Variants in PRKD2 observed in about 807,000 individuals in gnomAD.
PRKD2 encodes serine/threonine-protein kinase D2.
In PRKD2, 22 loss-of-function variants were observed where a neutral mutation model predicts 86.0. That is an observed-to-expected ratio of 0.26 (90% confidence interval 0.18 to 0.37). PRKD2 has a LOEUF of 0.37. Among genes scored for constraint, PRKD2 ranks in the 10% least tolerant of loss-of-function variants. The pLI is 1.00. For missense variants in PRKD2, 818 were observed against 1,199.2 expected, an observed-to-expected ratio of 0.68 and a Z score of 4.70; for synonymous variants, 509 against 510.9, an observed-to-expected ratio of 1.00 and a Z score of 0.05.
At chr19:46,690,797 C>T (rs1329637873) in intron 12 of PRKD2, 91 bp from the exon 13 acceptor site, 4 of 1,188,604 alleles carry the variant, frequency 3.4e-6, no homozygotes, top group South Asian at 2.6e-5. Flanking sequence ...CTCTGCCCCC[C>T]ACCATGGAGA....
At chr19:46,675,931 G>A (rs777990567) in intron 16 of PRKD2, among the ~76,000 whole-genome samples, 5 of 151,656 alleles carry the variant, frequency 3.3e-5, no homozygotes, top group Non-Finnish European at 5.9e-5. Context: ...CACTATGGCC[G>A]GCTAATTTTT....
intron 17 of PRKD2, 56 bp from the exon 18 acceptor site, chr19:46,674,791 T>C (rs1381540186): frequency 6.5e-7 from 1 of 1,536,114 alleles, no homozygotes; most frequent in Admixed American, 1.9e-5. Context: ...AGTGCCTGGA[T>C]ATCCTCTGGT....
rs753514675 is a variant in PRKD2, at chr19:46,678,711, C to T, written c.2071-48G>A. 3.2e-6 allele frequency: 5 copies of T among 1,563,366 alleles called. No homozygotes were observed. The highest frequency in any genetic ancestry group is 4.3e-6 in the Non-Finnish European group (5 of 1,156,702). On this transcript the variant is annotated intron_variant, in intron 15 of 17. Transcript: ENST00000291281. This position sits in a 1 kb window ranked among gnomAD's most constrained non-coding sequence, Gnocchi z 5.7. ...GCTCCACCAGGTGATGGAGCCGCACCCACCCCAGCATCCCCACCACACCAC... is the reference window on the plus strand; with the variant it reads ...GCTCCACCAGGTGATGGAGCCGCACTCACCCCAGCATCCCCACCACACCAC...
chr19:46,704,761 C>T (rs1412029878), intron 3 of PRKD2, 112 bp from the exon 4 acceptor site: 8 of 1,346,084 alleles, frequency 5.9e-6, no homozygotes, highest in Admixed American at 5.4e-5. Flanking sequence ...CCCATCACCC[C>T]CCGCCAGCAC....
chr19:46,714,274 A>G (rs950670079), intron 1 of PRKD2: 8 of 1,213,648 alleles, frequency 6.6e-6, no homozygotes, highest in Non-Finnish European at 8.3e-6. Context: ...GAGCGTGGAC[A>G]CCTCGAATTT....
At chr19:46,715,815 C>T (rs904352962) in intron 1 of PRKD2, among the ~76,000 whole-genome samples, 2 of 151,844 alleles carry the variant, frequency 1.3e-5, no homozygotes, top group African/African-American at 4.9e-5. Flanking sequence ...GGAGGTCCGC[C>T]GACATCTGCT....
At chr19:46,715,789 G>A (rs536930611) in intron 1 of PRKD2, among the ~76,000 whole-genome samples, 3 of 152,036 alleles carry the variant, frequency 2.0e-5, no homozygotes, top group East Asian at 3.9e-4. Flanking sequence ...GGGAGGCCCG[G>A]GATGGGCCTG....
chr19:46,700,106 G>A (rs2053615682), intron 7 of PRKD2, among the ~76,000 whole-genome samples: 1 of 142,756 alleles, frequency 7.0e-6, no homozygotes, highest in African/African-American at 2.7e-5. Flanking sequence ...GGCCTGGGCG[G>A]GTGCCTGTAG....
At position 46,689,593 on chromosome 19, in the gene PRKD2, G is replaced by A. The variant is rs1599820647; in HGVS notation, c.1915C>T (p.Leu639=). The A allele has an allele frequency of 6.2e-7, 1 of 1,614,024 alleles. No individual in the cohort carries two copies. Among genetic ancestry groups the A allele is most frequent in the South Asian group, 1.1e-5 (1 of 91,052 alleles). Residue 639 remains leucine (L), a synonymous_variant, in exon 14 of 18, where the codon CTG becomes TTG. Transcript: ENST00000291281. ...GGCAGCCGGCCCTTCTCACTGGACA[G>A]GATCATCTCCAACATGTCCCCATGC... ...KLHGDMLEMI[L]SSEKGRLPER... is the part of the protein sequence containing the mutation.
rs547858358 is a variant in PRKD2 at position 46,713,836 on chromosome 19, G to GC, written c.379+26dup. ...ATGCCCCGCCCCCACCCGAGGCCCC[G>GC]CCCCCAGGCCGGCCACCACCTCTCA... On this transcript the variant is annotated intron_variant, in intron 2 of 17. Coordinates refer to ENST00000291281, the MANE Select transcript of PRKD2 (RefSeq NM_016457.5). The GC allele has an allele frequency of 1.0e-3, 448 of 447,192 alleles. 2 individuals carry two copies. The African/African-American group carries it at 0.015, about 15-fold the overall frequency. The allele number at this position is 447,192 out of a possible 1,614,324, so 27.7% of individuals were successfully genotyped here. A position where few individuals can be genotyped will look rare whatever the true frequency, so the allele number is the denominator to read the frequency against.
chr19:46,704,379 T>A lies in PRKD2; in HGVS notation c.679A>T (p.Thr227Ser). 6.2e-7 allele frequency: 1 copy of A among 1,613,910 alleles called. No individual in the cohort carries two copies. Among genetic ancestry groups the A allele is most frequent in the Non-Finnish European group, 8.5e-7 (1 of 1,179,982 alleles). The change falls in exon 5 of 18, where the codon ACC (threonine) becomes TCC (serine). Residue 227 changes from threonine (T) to serine (S), a missense_variant. Thr to Ser is a moderately conservative substitution (Grantham distance 58). Around this residue, in one of 5 missense-constraint regions of PRKD2, gnomAD observed 403 missense variants for 518.6 expected, o/e 0.78. Coordinates refer to ENST00000291281, the MANE Select transcript of PRKD2 (RefSeq NM_016457.5). ...GGGGGACGGCGAGGCAGGAGTTCGG[T>A]GGTGCTACGGCTCTGTCGTTGGCAA... The part of the protein sequence containing the change: ...CTAEELSRST[T>S]ELLPRRPPSS...
rs905198404 is a variant in PRKD2 at position 46,697,311 on chromosome 19, C to T, written c.1240-77G>A. On this transcript the variant is annotated intron_variant, in intron 8 of 17. Transcript: ENST00000291281. ...CCCTATCCCGTGGAGCTGCTTGGGG[C>T]TCCAGGTGCCTGGAGCACCACGTGC... is the stretch of plus-strand genomic sequence containing the variant. 21 of 1,132,954 alleles carry T rather than the reference C, an allele frequency of 1.9e-5. No individual in the cohort carries two copies. In the Admixed American group the frequency reaches 4.1e-4, roughly 22 times the overall value. The allele number at this position is 1,132,954 out of a possible 1,614,324, so 70.2% of individuals were successfully genotyped here.
intron 6 of PRKD2, 22 bp from the exon 7 acceptor site, chr19:46,700,974 A>G: frequency 6.2e-7 from 1 of 1,614,210 alleles, no homozygotes; most frequent in Non-Finnish European, 8.5e-7. Flanking sequence ...GAGGCATCAG[A>G]GGGGTCTCCA....
chr19:46,691,902 G>A, intron 11 of PRKD2, 31 bp downstream of exon 11: 2 of 1,612,476 alleles, frequency 1.2e-6, no homozygotes, highest in South Asian at 1.1e-5. Flanking sequence ...TTGTGGGAGG[G>A]GAGGGCATCA....
intron 14 of PRKD2, 46 bp from the exon 15 acceptor site, chr19:46,681,794 A>T: frequency 2.3e-6 from 3 of 1,301,302 alleles, no homozygotes; most frequent in Non-Finnish European, 3.3e-6. Context: ...ATAGGTACTC[A>T]GCCAAATCCC....
chr19:46,701,655 G>T (rs896850487), intron 5 of PRKD2, among the ~76,000 whole-genome samples: 1 of 112,586 alleles, frequency 8.9e-6, no homozygotes. Flanking sequence ...CGCCCGACTT[G>T]TGTGTGTGTG....
intron 1 of PRKD2, chr19:46,714,534 G>C (rs374285574): frequency 5.1e-4 from 77 of 150,262 alleles, no homozygotes; most frequent in African/African-American, 1.8e-3. Flanking sequence ...GAGGGCGCCT[G>C]CCACCCAATG....
At chr19:46,688,644 C>T (rs1165866633) in intron 14 of PRKD2, among the ~76,000 whole-genome samples, 1 of 151,996 alleles carries the variant, frequency 6.6e-6, no homozygotes, top group African/African-American at 2.4e-5. Flanking sequence ...ACCATGTTGG[C>T]CAGGCTGGTC....
intron 9 of PRKD2, among the ~76,000 whole-genome samples, chr19:46,695,432 A>G (rs961785094): frequency 1.1e-4 from 16 of 152,216 alleles, no homozygotes; most frequent in Non-Finnish European, 1.8e-4. Context: ...GCAGTGAGCC[A>G]AGATCGCGCC....
Sources: gnomAD v4.1 joint callset for allele counts (sites outside exome capture counted in the v4.1 genomes callset) on GRCh38, gnomAD v4.1.1 for gene constraint, gnomAD v4.1.1 regional missense constraint, Gnocchi (gnomAD v3.1) non-coding constraint, MANE v1.5 for transcripts, NCBI Gene and HGNC (gene_info 2026-07-23, HGNC 2026-07-21) for gene names.